Variants in COL6A1 observed in about 807,000 individuals in gnomAD.
The protein encoded by COL6A1 is collagen alpha-1(VI) chain.
COL6A1 carries 80 observed loss-of-function variants against 145.6 expected under a neutral mutation model. The ratio of observed to expected loss-of-function variants is 0.55; its 90% CI spans 0.46 to 0.66. The LOEUF (loss-of-function observed/expected upper bound fraction) is 0.66. COL6A1 is among the 30% of genes least tolerant of loss of function. The probability of loss-of-function intolerance (pLI) is 0.00; values close to 1 mark genes in which losing one functional copy is unlikely to be tolerated. For missense variants in COL6A1, 1,364 were observed against 1,473.8 expected (o/e 0.93, Z 1.22); for synonymous variants, 638 against 622.8 (o/e 1.02, Z -0.36).
At chr21:45,983,229 G>A (rs1020081150) in intron 2 of COL6A1, among the ~76,000 whole-genome samples, 3 of 152,328 alleles carry the variant, frequency 2.0e-5, no homozygotes, top group Admixed American at 1.3e-4. Flanking sequence ...GAAGGTCCCC[G>A]ACTCGGGAGC....
intron 17 of COL6A1, 50 bp from the exon 18 acceptor site, chr21:45,992,313 T>A (rs540201449): frequency 6.2e-7 from 1 of 1,613,706 alleles, no homozygotes; most frequent in South Asian, 1.1e-5. Context: ...TGAGACCAAA[T>A]GCAGTGTGTC....
At position 45,997,457 on chromosome 21, in the gene COL6A1, G is replaced by C. The variant is rs1430198828; in HGVS notation, c.1435G>C (p.Gly479Arg). The change falls in exon 21 of 35, where the codon GGC becomes CGC. Residue 479 changes from glycine (G) to arginine (R), a missense_variant. Physicochemically the swap from Gly to Arg is moderately radical, Grantham distance 125. This residue lies in a region of COL6A1 where 938 missense variants were observed against 1,003.8 expected (regional missense o/e 0.93). Transcript: ENST00000361866. ...AGPIGPKGYR[G>R]DEGPPGSEGA... is the part of the protein sequence containing the mutation. ...CCCTATCGGACCTAAAGGCTACCGA[G>C]GCGATGAGGGTCCCCCAGGGTCCGA... 1.2e-6 allele frequency: 2 copies of C among 1,612,922 alleles called. No homozygotes were observed. Among genetic ancestry groups the C allele is most frequent in the Non-Finnish European group, 1.7e-6 (2 of 1,179,922 alleles).
At chr21:45,999,814 A>G in intron 27 of COL6A1, 122 bp downstream of exon 27, 1 of 813,884 alleles carries the variant, frequency 1.2e-6, no homozygotes, top group Admixed American at 2.3e-5. Flanking sequence ...TTGTGGACAA[A>G]GAGCTGGTGC....
chr21:45,984,873 C>T (rs1341139150), intron 3 of COL6A1, among the ~76,000 whole-genome samples: 2 of 147,442 alleles, frequency 1.4e-5, no homozygotes, highest in African/African-American at 5.0e-5. Flanking sequence ...GAAACAGAGA[C>T]AGAGGGACAG....
Position 46,003,956 on chromosome 21 carries a change from G to A in COL6A1, c.3030G>A (p.Gln1010=). ...ACCTGTTCCGTGTCCCCAGCTACCAGGCCCTGCTCCGCGGTGTCTTCCACC... is the reference window on the plus strand; with the variant it reads ...ACCTGTTCCGTGTCCCCAGCTACCAAGCCCTGCTCCGCGGTGTCTTCCACC... ...ESHLFRVPSY[Q]ALLRGVFHQT... Residue 1010 remains glutamine (Q), a synonymous_variant, in exon 35 of 35, where the codon CAG becomes CAA. Transcript: ENST00000361866. 6.2e-7 allele frequency: 1 copy of A among 1,612,888 alleles called. No individual in the cohort carries two copies. The highest frequency in any genetic ancestry group is 8.5e-7 in the Non-Finnish European group (1 of 1,179,866).
chr21:46,001,789 C>T lies in COL6A1; in HGVS notation c.1957-172C>T, dbSNP rs181696869. 2.8e-3 allele frequency among the ~76,000 whole-genome samples: 428 copies of T among 151,690 alleles called. 1 individual carries two copies. Among genetic ancestry groups the T allele is most frequent in the Non-Finnish European group, 5.1e-3 (347 of 67,830 alleles). On this transcript the variant is annotated intron_variant, in intron 30 of 34. Coordinates refer to ENST00000361866, the MANE Select transcript of COL6A1 (RefSeq NM_001848.3). ...AGCCAATCGCAGGGTACCCAGGTCCCGGGGGCTGTGCCACCCTCTGTGCAC... is the reference window on the plus strand; with the variant it reads ...AGCCAATCGCAGGGTACCCAGGTCCTGGGGGCTGTGCCACCCTCTGTGCAC...
Position 46,002,342 on chromosome 21 carries a change from C to A in COL6A1, c.2191C>A (p.Arg731Ser). The change falls in exon 32 of 35, where the codon CGC becomes AGC. Residue 731 changes from arginine to serine, a missense_variant. Around this residue, in one of 3 missense-constraint regions of COL6A1, gnomAD observed 938 missense variants for 1,003.8 expected, o/e 0.93. Coordinates refer to ENST00000361866, the MANE Select transcript of COL6A1 (RefSeq NM_001848.3). ...NRIALVITDG[R>S]SDTQRDTTPL... ...CATCGCCCTGGTCATCACTGACGGG[C>A]GCTCAGACACTCAGAGGGACACCAC... The A allele has an allele frequency of 6.3e-7, 1 of 1,591,036 alleles. No homozygotes were observed.
intron 6 of COL6A1, 142 bp from the exon 7 acceptor site, chr21:45,987,357 C>T: frequency 1.4e-6 from 2 of 1,470,414 alleles, no homozygotes; most frequent in Non-Finnish European, 9.4e-7. Flanking sequence ...TGTGTGTCTG[C>T]CCATGTGCCT....
intron 24 of COL6A1, 63 bp downstream of exon 24, chr21:45,998,496 G>A (rs374493647): frequency 5.6e-6 from 9 of 1,606,412 alleles, no homozygotes; most frequent in Non-Finnish European, 6.0e-6. Context: ...ACAGGGACAC[G>A]CACGTGTGAA....
intron 20 of COL6A1, among the ~76,000 whole-genome samples, chr21:45,997,137 C>T (rs112124422): frequency 6.5e-4 from 98 of 149,652 alleles, no homozygotes; most frequent in African/African-American, 2.4e-3. Context: ...AGGCACCAGC[C>T]GGGCGCCCAC....
At chr21:45,982,915 G>A in intron 2 of COL6A1, 152 bp downstream of exon 2, 1 of 1,093,714 alleles carries the variant, frequency 9.1e-7, no homozygotes, top group East Asian at 2.5e-5. Flanking sequence ...GCCCTCCAGA[G>A]TGAGGCCGGG....
At chr21:45,992,637 C>T in intron 18 of COL6A1, 111 bp from the exon 19 acceptor site, 1 of 1,213,408 alleles carries the variant, frequency 8.2e-7, no homozygotes, top group South Asian at 1.4e-5. Context: ...GGGGTGGCCC[C>T]TCCCAGGGGT....
At chr21:45,989,303 C>T (rs1322557518) in intron 9 of COL6A1, among the ~76,000 whole-genome samples, 166 bp downstream of exon 9, 1 of 152,222 alleles carries the variant, frequency 6.6e-6, no homozygotes, top group African/African-American at 2.4e-5. Context: ...GCCATCCTTC[C>T]ACACAGCCCC....
rs143961336 is a variant in COL6A1 at position 45,992,339 on chromosome 21, G to A, written c.1237-24G>A. ...GCAGTGTGTCCACCAGACTAACGCC[G>A]GCGTCTGTTTCTCTTCATCCCAGGG... On this transcript the variant is annotated intron_variant, in intron 17 of 34. Transcript: ENST00000361866. The A allele has an allele frequency of 3.1e-4, 495 of 1,613,824 alleles. 2 individuals are homozygous for A. In the African/African-American group the frequency reaches 5.5e-3, roughly 18 times the overall value.
rs779199061 is a variant in COL6A1 at position 46,003,699 on chromosome 21, C to T, written c.2773C>T (p.Arg925Cys). Reference protein sequence around the residue: ...DVNDALGYVTRFYREASSGAA... With the variant: ...DVNDALGYVTCFYREASSGAA... ...CAACGATGCCCTGGGCTATGTGACC[C>T]GCTTCTACCGCGAGGCCTCGTCCGG... Residue 925 changes from arginine (R) to cysteine (C), a missense_variant, in exon 35 of 35, where the codon CGC (arginine) becomes TGC (cysteine). By Grantham distance (180) the Arg-to-Cys change is radical. Around this residue, in one of 3 missense-constraint regions of COL6A1, gnomAD observed 938 missense variants for 1,003.8 expected, o/e 0.93. Transcript: ENST00000361866. 22 of 1,612,918 alleles carry T rather than the reference C, an allele frequency of 1.4e-5. No homozygotes were observed. Among genetic ancestry groups the T allele is most frequent in the East Asian group, 4.5e-5 (2 of 44,878 alleles).
At chr21:45,999,612 T>C (rs758565278) in intron 26 of COL6A1, 45 bp from the exon 27 acceptor site, 3 of 1,607,542 alleles carry the variant, frequency 1.9e-6, no homozygotes, top group African/African-American at 2.7e-5. Context: ...GGAAGCACAG[T>C]GGGCTCCTCA....
chr21:46,004,225 CCTCTGGGGCT>C lies in COL6A1; in HGVS notation c.*214_*223del, dbSNP rs1281410772. 6 of 644,734 alleles carry C rather than the reference CCTCTGGGGCT, an allele frequency of 9.3e-6. No individual in the cohort carries two copies. Among genetic ancestry groups the C allele is most frequent in the Non-Finnish European group, 1.6e-5 (6 of 377,700 alleles). The allele number at this position is 644,734 out of a possible 1,614,324, so 39.9% of individuals were successfully genotyped here. On this transcript the variant is annotated 3_prime_UTR_variant, in exon 35 of 35. Transcript: ENST00000361866. Reference sequence around the variant, plus strand: ...TGAGTTGGCATCACCTGCGCAGGGCCCTCTGGGGCTCAGCCCTGAGCTAGTGTCACCTGCA... The same window carrying C: ...TGAGTTGGCATCACCTGCGCAGGGCCCAGCCCTGAGCTAGTGTCACCTGCA...
Position 45,992,781 on chromosome 21 carries a change from C to G in COL6A1, c.1306C>G (p.Pro436Ala). 6.2e-7 allele frequency: 1 copy of G among 1,601,748 alleles called. No homozygotes were observed. Among genetic ancestry groups the G allele is most frequent in the Non-Finnish European group, 8.5e-7 (1 of 1,174,962 alleles). The change falls in exon 19 of 35, where the codon CCA (proline) becomes GCA (alanine). Residue 436 changes from proline to alanine, a missense_variant. This residue lies in a region of COL6A1 where 938 missense variants were observed against 1,003.8 expected (regional missense o/e 0.93). Transcript: ENST00000361866. ...GPGERGPRGT[P>A]GTRGPRGDPG... ...TGGAGAGAGAGGACCACGGGGGACC[C>G]CAGGCACGCGGGGACCAAGAGGAGA...
chr21:45,995,121 A>G (rs1016192840), intron 20 of COL6A1, among the ~76,000 whole-genome samples: 1 of 152,230 alleles, frequency 6.6e-6, no homozygotes, highest in Non-Finnish European at 1.5e-5. Flanking sequence ...TGTGGTGCCA[A>G]CGGGTGTTAC....
Sources: gnomAD v4.1 joint callset for allele counts (sites outside exome capture counted in the v4.1 genomes callset) on GRCh38, gnomAD v4.1.1 for gene constraint, gnomAD v4.1.1 regional missense constraint, MANE v1.5 for transcripts, NCBI Gene and HGNC (gene_info 2026-07-23, HGNC 2026-07-21) for gene names.